The following ROBO1 variants were observed in gnomAD, a reference collection of about 807,000 sequenced individuals.
ROBO1 encodes the protein roundabout guidance receptor 1.
In ROBO1, 149 loss-of-function variants were observed where a neutral mutation model predicts 195.9. That is an observed-to-expected ratio of 0.76 (90% CI 0.67 to 0.87). The LOEUF (loss-of-function observed/expected upper bound fraction) is 0.87. Among genes scored for constraint, ROBO1 ranks in the 40% least tolerant of loss-of-function variants. The pLI is 0.00. For synonymous variants in ROBO1, 816 were observed against 733.2 expected (o/e 1.11, Z -1.82); for missense variants, 1,933 against 2,068.3 (o/e 0.93, Z 1.27).
intron 1 of ROBO1, among the ~76,000 whole-genome samples, chr3:79,623,290 C>T (rs1256700150): frequency 6.6e-6 from 1 of 152,138 alleles, no homozygotes; most frequent in Admixed American, 6.6e-5. Context: ...TGTCTCTTCT[C>T]CTCCAAACAA....
At chr3:79,463,808 A>C (rs986311407) in intron 2 of ROBO1, among the ~76,000 whole-genome samples, 1 of 152,210 alleles carries the variant, frequency 6.6e-6, no homozygotes, top group Non-Finnish European at 1.5e-5. Flanking sequence ...CTCTCAATTC[A>C]TCTAAAGTAT....
chr3:79,764,014 G>GC (rs1233747837), intron 1 of ROBO1, among the ~76,000 whole-genome samples: 2 of 152,160 alleles, frequency 1.3e-5, no homozygotes, highest in African/African-American at 4.8e-5. Flanking sequence ...GAAAGAACTT[G>GC]TTTTTAATCC....
intron 4 of ROBO1, among the ~76,000 whole-genome samples, chr3:78,894,090 AG>A (rs559495992): frequency 3.9e-5 from 6 of 152,336 alleles, no homozygotes; most frequent in African/African-American, 1.4e-4. Flanking sequence ...AAAAGAATTT[AG>A]TTTTTCTTAA....
intron 4 of ROBO1, among the ~76,000 whole-genome samples, chr3:78,825,289 T>A (rs1232274076): frequency 6.6e-6 from 1 of 152,124 alleles, no homozygotes; most frequent in Non-Finnish European, 1.5e-5. Flanking sequence ...AAGTATGTCA[T>A]AACAAAACGG....
chr3:78,752,385 CT>C (rs1316232448), intron 4 of ROBO1, among the ~76,000 whole-genome samples: 1 of 152,070 alleles, frequency 6.6e-6, no homozygotes, highest in East Asian at 1.9e-4. Flanking sequence ...ATGTTGACGT[CT>C]GTCAAAAAAC....
intron 3 of ROBO1, among the ~76,000 whole-genome samples, chr3:79,122,898 A>C (rs1454915563): frequency 6.6e-6 from 1 of 151,966 alleles, no homozygotes; most frequent in Non-Finnish European, 1.5e-5. Flanking sequence ...GAGGGAGAAA[A>C]GTCTCACATG....
intron 2 of ROBO1, among the ~76,000 whole-genome samples, chr3:79,180,869 T>C (rs2081328587): frequency 1.3e-5 from 2 of 152,070 alleles, no homozygotes; most frequent in South Asian, 2.1e-4. Context: ...TGGGAGTGGA[T>C]GAGGATCAGT....
At chr3:79,563,243 A>G (rs1009366036) in intron 2 of ROBO1, among the ~76,000 whole-genome samples, 1 of 152,068 alleles carries the variant, frequency 6.6e-6, no homozygotes, top group African/African-American at 2.4e-5. Flanking sequence ...TAGATTACAT[A>G]AAATTGACAC....
intron 1 of ROBO1, among the ~76,000 whole-genome samples, chr3:79,726,405 T>C (rs1011836433): frequency 1.2e-4 from 18 of 152,328 alleles, no homozygotes; most frequent in African/African-American, 4.3e-4. Flanking sequence ...GGAATTGTTT[T>C]TGTAACGACA....
At chr3:79,627,692 C>G (rs542432258) in intron 1 of ROBO1, among the ~76,000 whole-genome samples, 1 of 152,236 alleles carries the variant, frequency 6.6e-6, no homozygotes, top group African/African-American at 2.4e-5. Flanking sequence ...GCAAAAGTAA[C>G]TATCATCAGA....
At chr3:79,437,379 T>C (rs778558823) in intron 2 of ROBO1, among the ~76,000 whole-genome samples, 2 of 152,030 alleles carry the variant, frequency 1.3e-5, no homozygotes, top group Admixed American at 6.6e-5. Context: ...CTGGAAAAGA[T>C]ATAATACCTG....
chr3:79,533,764 GACTGT>G (rs1941748388), intron 2 of ROBO1, among the ~76,000 whole-genome samples: 2 of 152,072 alleles, frequency 1.3e-5, no homozygotes, highest in African/African-American at 4.8e-5. Flanking sequence ...TAAGTATTAG[GACTGT>G]ACTGTGTTTA....
At chr3:79,710,568 C>T (rs965684967) in intron 1 of ROBO1, among the ~76,000 whole-genome samples, 8 of 152,164 alleles carry the variant, frequency 5.3e-5, no homozygotes, top group African/African-American at 7.2e-5. Flanking sequence ...TTTAAAGATA[C>T]GGTTTGAAAT....
intron 1 of ROBO1, among the ~76,000 whole-genome samples, chr3:79,718,300 A>C (rs1209473440): frequency 6.6e-6 from 1 of 152,050 alleles, no homozygotes; most frequent in Non-Finnish European, 1.5e-5. Context: ...ATATGTTCCA[A>C]ATTTATATCA....
chr3:79,281,321 T>G (rs578033198), intron 2 of ROBO1, among the ~76,000 whole-genome samples: 69 of 123,372 alleles, frequency 5.6e-4, no homozygotes, highest in Admixed American at 2.8e-3. Context: ...TTGATTGATT[T>G]ATTATTATTA....
At chr3:79,186,346 C>CAT (rs141053775) in intron 2 of ROBO1, among the ~76,000 whole-genome samples, 13,418 of 151,946 alleles carry the variant, frequency 0.088, 1,021 homozygotes, top group African/African-American at 0.2. Context: ...TATAAACACA[C>CAT]GTGTTTTATA....
intron 2 of ROBO1, among the ~76,000 whole-genome samples, chr3:79,466,895 A>T (rs553327237): frequency 2.0e-5 from 3 of 152,298 alleles, no homozygotes; most frequent in South Asian, 4.1e-4. Flanking sequence ...ATTGGAATAT[A>T]TCCAGAGGAA....
rs866604171 is a variant in ROBO1 at position 78,973,095 on chromosome 3, G to A, written c.173-34168C>T. ...CCTGCCAATGCATTTTCTATGGCTT[G>A]AGCAAATGAGTCAATGAGTTTTTGC... On this transcript the variant is annotated intron_variant, in intron 3 of 30. Coordinates refer to ENST00000464233, the MANE Select transcript of ROBO1 (RefSeq NM_002941.4). 7.2e-5 allele frequency among the ~76,000 whole-genome samples: 11 copies of A among 152,148 alleles called. No homozygotes were observed. In the South Asian group the frequency reaches 1.5e-3, roughly 20 times the overall value.
At chr3:78,866,411 T>C (rs1164000687) in intron 4 of ROBO1, among the ~76,000 whole-genome samples, 2 of 152,176 alleles carry the variant, frequency 1.3e-5, no homozygotes, top group East Asian at 1.9e-4. Flanking sequence ...GTAGAGAAGA[T>C]AGGACTGCTA....
Sources: gnomAD v4.1 joint callset for allele counts (sites outside exome capture counted in the v4.1 genomes callset) on GRCh38, gnomAD v4.1.1 for gene constraint, MANE v1.5 for transcripts, NCBI Gene and HGNC (gene_info 2026-07-23, HGNC 2026-07-21) for gene names.